The following NALF1 variants were observed in gnomAD, a reference collection of about 807,000 sequenced individuals.
NALF1 encodes the protein NALCN channel auxiliary factor 1, also known as family with sequence similarity 155 member A.
In NALF1, 3 loss-of-function variants were observed where a neutral mutation model predicts 48.4. The ratio of observed to expected loss-of-function variants is 0.06; its 90% CI spans 0.03 to 0.16. NALF1 has a LOEUF of 0.16. Among genes scored for constraint, NALF1 ranks in the 10% least tolerant of loss-of-function variants. The pLI is 1.00. For missense variants in NALF1, 526 were observed against 571.5 expected, an observed-to-expected ratio of 0.92 and a Z score of 0.81; for synonymous variants, 262 against 245.7, an observed-to-expected ratio of 1.07 and a Z score of -0.62.
chr13:107,728,966 C>A (rs1308794340), intron 1 of NALF1, among the ~76,000 whole-genome samples: 1 of 152,068 alleles, frequency 6.6e-6, no homozygotes, highest in Non-Finnish European at 1.5e-5. Context: ...TTTCTTGAGA[C>A]TAAGAAGTTG....
chr13:107,432,287 C>T (rs2139018408), intron 1 of NALF1, among the ~76,000 whole-genome samples: 1 of 152,268 alleles, frequency 6.6e-6, no homozygotes, highest in Non-Finnish European at 1.5e-5. Flanking sequence ...CCCCATGATC[C>T]AAACACCTCC....
intron 1 of NALF1, among the ~76,000 whole-genome samples, chr13:107,841,682 T>A (rs1880046206): frequency 6.6e-6 from 1 of 152,088 alleles, no homozygotes; most frequent in South Asian, 2.1e-4. Flanking sequence ...TTGTTTGACT[T>A]TGTTTTGTTT....
intron 1 of NALF1, among the ~76,000 whole-genome samples, chr13:107,803,356 G>T (rs1158598960): frequency 2.6e-5 from 4 of 151,918 alleles, no homozygotes; most frequent in Admixed American, 6.6e-5. Flanking sequence ...GATTCTAGTT[G>T]GTTTCTAGAA....
At chr13:107,222,065 G>C (rs758852337) in intron 1 of NALF1, among the ~76,000 whole-genome samples, 7 of 152,152 alleles carry the variant, frequency 4.6e-5, no homozygotes, top group Non-Finnish European at 8.8e-5. Context: ...GGCTCACAAT[G>C]TTTGTGATCT....
intron 1 of NALF1, among the ~76,000 whole-genome samples, chr13:107,693,170 G>T (rs895098362): frequency 6.6e-6 from 1 of 152,092 alleles, no homozygotes; most frequent in Non-Finnish European, 1.5e-5. Context: ...GTTGTTTCCT[G>T]CAGGGACATG....
chr13:107,556,125 T>G (rs980475257), intron 1 of NALF1, among the ~76,000 whole-genome samples: 1 of 151,984 alleles, frequency 6.6e-6, no homozygotes, highest in Admixed American at 6.6e-5. Context: ...TTGTTTCAAC[T>G]GAAGAGAACC....
chr13:107,505,913 C>T (rs1460175717), intron 1 of NALF1, among the ~76,000 whole-genome samples: 2 of 152,032 alleles, frequency 1.3e-5, no homozygotes, highest in African/African-American at 4.8e-5. Flanking sequence ...AGAACATCAT[C>T]GGCAGAGTGG....
At chr13:107,818,644 G>A (rs180756804) in intron 1 of NALF1, among the ~76,000 whole-genome samples, 11,737 of 115,006 alleles carry the variant, frequency 0.1, 583 homozygotes, top group East Asian at 0.2. Context: ...AGGCCGAGGC[G>A]GGCGGATCAC....
At chr13:107,369,610 A>G (rs897695735) in intron 1 of NALF1, among the ~76,000 whole-genome samples, 1 of 152,152 alleles carries the variant, frequency 6.6e-6, no homozygotes, top group African/African-American at 2.4e-5. Context: ...TCACAGAATA[A>G]ATGATGTTAT....
intron 1 of NALF1, among the ~76,000 whole-genome samples, chr13:107,579,193 G>A (rs895503944): frequency 6.6e-6 from 1 of 152,184 alleles, no homozygotes; most frequent in African/African-American, 2.4e-5. Flanking sequence ...TTGTGTTCAA[G>A]TGATTCTCCT....
chr13:107,747,717 T>C (rs1331309835), intron 1 of NALF1, among the ~76,000 whole-genome samples: 1 of 152,196 alleles, frequency 6.6e-6, no homozygotes, highest in Non-Finnish European at 1.5e-5. Flanking sequence ...AAGGCTTCGA[T>C]AAAGAATTGT....
chr13:107,400,375 C>T (rs1883783725), intron 1 of NALF1, among the ~76,000 whole-genome samples: 2 of 152,094 alleles, frequency 1.3e-5, no homozygotes, highest in South Asian at 2.1e-4. Context: ...GAGGAGATGG[C>T]CCTCAACCTT....
intron 1 of NALF1, among the ~76,000 whole-genome samples, chr13:107,415,917 G>A (rs929007749): frequency 1.3e-5 from 2 of 152,134 alleles, no homozygotes; most frequent in Non-Finnish European, 2.9e-5. Context: ...TCTGCTCGAT[G>A]TTGACGATCT....
At chr13:107,411,843 G>A (rs774412227) in intron 1 of NALF1, among the ~76,000 whole-genome samples, 2 of 152,128 alleles carry the variant, frequency 1.3e-5, no homozygotes, top group African/African-American at 2.4e-5. Flanking sequence ...AAAAGAAGGG[G>A]CTATTCCAGG....
At chr13:107,298,192 T>C (rs1458525158) in intron 1 of NALF1, among the ~76,000 whole-genome samples, 6 of 151,026 alleles carry the variant, frequency 4.0e-5, no homozygotes, top group African/African-American at 1.5e-4. Flanking sequence ...TAATAAAAAA[T>C]ACACAAAATT....
intron 1 of NALF1, among the ~76,000 whole-genome samples, chr13:107,354,359 T>C (rs1882925961): frequency 1.3e-5 from 2 of 151,958 alleles, no homozygotes; most frequent in South Asian, 2.1e-4. Flanking sequence ...CAAAAAGGTA[T>C]GGTGGAGAGA....
At chr13:107,252,914 T>A (rs1880732460) in intron 1 of NALF1, among the ~76,000 whole-genome samples, 1 of 152,224 alleles carries the variant, frequency 6.6e-6, no homozygotes, top group Non-Finnish European at 1.5e-5. Context: ...ATTATACATA[T>A]TTTAATATCA....
At chr13:107,682,764 G>A (rs949543017) in intron 1 of NALF1, among the ~76,000 whole-genome samples, 8 of 152,096 alleles carry the variant, frequency 5.3e-5, no homozygotes, top group African/African-American at 1.9e-4. Context: ...GGTCCTCCAC[G>A]AGATGTGCTG....
intron 1 of NALF1, among the ~76,000 whole-genome samples, chr13:107,442,041 G>A (rs2139026896): frequency 6.6e-6 from 1 of 152,310 alleles, no homozygotes; most frequent in South Asian, 2.1e-4. Context: ...AAAATAGGAT[G>A]GATTGCCCCA....
Sources: allele counts gnomAD v4.1 joint callset (sites outside exome capture counted in the v4.1 genomes callset), GRCh38; gene constraint gnomAD v4.1.1; transcripts MANE v1.5; gene names NCBI Gene and HGNC (gene_info 2026-07-23, HGNC 2026-07-21).